Variants in LYPD6 observed in about 807,000 individuals in gnomAD.
The protein encoded by LYPD6 is ly6/PLAUR domain-containing protein 6.
In LYPD6, 15 loss-of-function variants were observed where a neutral mutation model predicts 22.7. The ratio of observed to expected loss-of-function variants is 0.66; its 90% CI spans 0.44 to 1.02. LYPD6 has a LOEUF of 1.02. Ranked by LOEUF, LYPD6 falls within the 50% of genes least tolerant of loss-of-function variation. The pLI, the probability that LYPD6 is intolerant of heterozygous loss-of-function variation, is 0.00. For missense variants in LYPD6, 189 were observed against 208.4 expected (o/e 0.91, Z 0.57); for synonymous variants, 72 against 77.5 (o/e 0.93, Z 0.37).
intron 2 of LYPD6, among the ~76,000 whole-genome samples, chr2:149,444,011 G>A (rs1683626066): frequency 7.1e-6 from 1 of 141,138 alleles, no homozygotes; most frequent in Admixed American, 7.9e-5. Flanking sequence ...TCAGTTTACT[G>A]CAGCCACCGC....
intron 1 of LYPD6, among the ~76,000 whole-genome samples, chr2:149,336,066 A>G (rs1026792806): frequency 6.6e-6 from 1 of 152,228 alleles, no homozygotes; most frequent in African/African-American, 2.4e-5. Flanking sequence ...CAGAAAGCCT[A>G]ACCAGGTTTC....
chr2:149,482,760 T>C, the LYPD6 span, among the ~76,000 whole-genome samples: 2 of 152,230 alleles, frequency 1.3e-5, no homozygotes, highest in Admixed American at 6.5e-5. Flanking sequence ...TCTAGGACAT[T>C]CCCCCTCTCC....
intron 3 of LYPD6, among the ~76,000 whole-genome samples, chr2:149,458,042 A>T (rs1558814919): frequency 6.6e-6 from 1 of 152,238 alleles, no homozygotes; most frequent in Non-Finnish European, 1.5e-5. Flanking sequence ...TAACTTTTAG[A>T]CAATAGCTGC....
chr2:149,361,024 G>A (rs1030775609), intron 1 of LYPD6, among the ~76,000 whole-genome samples: 1 of 152,062 alleles, frequency 6.6e-6, no homozygotes, highest in East Asian at 1.9e-4. Flanking sequence ...TAGTTGGGGT[G>A]GACCCCTGTA....
chr2:149,342,115 A>G (rs897629296), intron 1 of LYPD6, among the ~76,000 whole-genome samples: 1 of 152,188 alleles, frequency 6.6e-6, no homozygotes. Context: ...GAGGGTATTC[A>G]CAAAACAGAC....
chr2:149,432,905 AAAGT>A (rs1175917203), intron 1 of LYPD6, among the ~76,000 whole-genome samples: 1 of 152,228 alleles, frequency 6.6e-6, no homozygotes, highest in African/African-American at 2.4e-5. Flanking sequence ...TTGTGCATAA[AAAGT>A]AAGTCTGTCA....
At chr2:149,469,720 G>T (rs1226727813) in intron 4 of LYPD6, among the ~76,000 whole-genome samples, 3 of 149,866 alleles carry the variant, frequency 2.0e-5, no homozygotes, top group Non-Finnish European at 4.4e-5. Context: ...ATTCTGAGGA[G>T]TTACTGTGGC....
chr2:149,365,123 A>G (rs553791166), intron 1 of LYPD6, among the ~76,000 whole-genome samples: 106 of 152,308 alleles, frequency 7.0e-4, no homozygotes, highest in Admixed American at 1.6e-3. Flanking sequence ...TGAACCACTA[A>G]TTCACAGTAG....
chr2:149,391,949 C>A (rs944809244), intron 1 of LYPD6, among the ~76,000 whole-genome samples: 35 of 152,140 alleles, frequency 2.3e-4, no homozygotes, highest in African/African-American at 8.2e-4. Context: ...GCTGCCATAA[C>A]GAAATACCAC....
chr2:149,351,922 A>T (rs1232960100), intron 1 of LYPD6, among the ~76,000 whole-genome samples: 1 of 151,824 alleles, frequency 6.6e-6, no homozygotes, highest in Non-Finnish European at 1.5e-5. Flanking sequence ...TTTTACACTG[A>T]AGAAGTTGGC....
intron 1 of LYPD6, among the ~76,000 whole-genome samples, chr2:149,336,875 C>T (rs1358297617): frequency 6.6e-6 from 1 of 150,548 alleles, no homozygotes; most frequent in Admixed American, 6.6e-5. Context: ...AATTTTTTTG[C>T]CTTTTTCTCC....
rs563773606 is a variant in LYPD6 at position 149,391,614 on chromosome 2, T to A, written c.-71-46024T>A. On this transcript the variant is annotated intron_variant, in intron 1 of 4. Coordinates refer to ENST00000334166, the MANE Select transcript of LYPD6 (RefSeq NM_194317.5). ...ATGCCTTCCATATACATTATTTGAT[T>A]TGCTTCTAGAAGGGCAAATATTTGA... 1.9e-3 allele frequency among the ~76,000 whole-genome samples: 293 copies of A among 152,282 alleles called. 2 individuals carry two copies. Among genetic ancestry groups the A allele is most frequent in the African/African-American group, 6.6e-3 (273 of 41,558 alleles).
At chr2:149,475,076 C>T (rs1205798298), downstream of LYPD6, among the ~76,000 whole-genome samples, 2 of 152,180 alleles carry the variant, frequency 1.3e-5, no homozygotes, top group African/African-American at 2.4e-5. Flanking sequence ...TTTCATATCC[C>T]TTTCCTAACA....
intron 3 of LYPD6, among the ~76,000 whole-genome samples, chr2:149,454,654 T>C (rs1440137409): frequency 6.6e-6 from 1 of 152,180 alleles, no homozygotes; most frequent in African/African-American, 2.4e-5. Flanking sequence ...CTTTACTAGA[T>C]ACTGCCTGAC....
intron 1 of LYPD6, among the ~76,000 whole-genome samples, chr2:149,350,068 T>G (rs2105057736): frequency 6.6e-6 from 1 of 152,284 alleles, no homozygotes; most frequent in African/African-American, 2.4e-5. Context: ...GGTTACATTT[T>G]TAAAAAGGAA....
At position 149,420,407 on chromosome 2, in the gene LYPD6, C is replaced by T. The variant is rs61365734; in HGVS notation, c.-71-17231C>T. On this transcript the variant is annotated intron_variant, in intron 1 of 4. Coordinates refer to ENST00000334166, the MANE Select transcript of LYPD6 (RefSeq NM_194317.5). ...TTCATTTCTCAAAATGTGACCGTCC[C>T]GCTGGCTACCTTTAGAGTAATAGGT... Among the ~76,000 whole-genome samples, 1,424 of 152,230 alleles carry T rather than the reference C, an allele frequency of 9.4e-3. 20 individuals are homozygous for T. The highest frequency in any genetic ancestry group is 0.033 in the African/African-American group (1,354 of 41,546).
intron 1 of LYPD6, among the ~76,000 whole-genome samples, chr2:149,352,752 A>T (rs1681381829): frequency 6.6e-6 from 1 of 152,226 alleles, no homozygotes; most frequent in South Asian, 2.1e-4. Flanking sequence ...AATATTTGTT[A>T]TCTGGCCCTT....
In LYPD6 at chr2:149,384,539, A is replaced by G. The variant is rs188662401; in HGVS notation, c.-71-53099A>G. Among the ~76,000 whole-genome samples the G allele has an allele frequency of 7.2e-4, 110 of 152,218 alleles. 1 individual carries two copies. The highest frequency in any genetic ancestry group is 2.5e-3 in the African/African-American group (102 of 41,536). Reference sequence around the variant, plus strand: ...CCAGTCATGGGCACTGGTTGGGGGAACATTCCATTTGACATGGCGCCTACC... The same window carrying G: ...CCAGTCATGGGCACTGGTTGGGGGAGCATTCCATTTGACATGGCGCCTACC... On this transcript the variant is annotated intron_variant, in intron 1 of 4. Transcript: ENST00000334166.
intron 1 of LYPD6, among the ~76,000 whole-genome samples, chr2:149,385,299 G>T (rs1682159425): frequency 6.6e-6 from 1 of 152,100 alleles, no homozygotes; most frequent in African/African-American, 2.4e-5. Flanking sequence ...TATTTAACAT[G>T]TGGCATTCAG....
Sources: allele counts gnomAD v4.1 joint callset (sites outside exome capture counted in the v4.1 genomes callset), GRCh38; gene constraint gnomAD v4.1.1; transcripts MANE v1.5; gene names NCBI Gene and HGNC (gene_info 2026-07-23, HGNC 2026-07-21).